EIF4A1: variants seen among roughly 807,000 people sequenced by gnomAD.
EIF4A1 encodes the protein eukaryotic translation initiation factor 4A1, also known as eukaryotic initiation factor 4A-I.
In EIF4A1, 11 loss-of-function variants were observed where a neutral mutation model predicts 53.5. The ratio of observed to expected loss-of-function variants is 0.21; its 90% confidence interval spans 0.13 to 0.34. The LOEUF is 0.34. EIF4A1 is among the 10% of genes least tolerant of loss of function. The pLI is 1.00. For synonymous variants in EIF4A1, 237 were observed against 186.7 expected (o/e 1.27, Z -2.20); for missense variants, 213 against 530.8 (o/e 0.40, Z 5.88).
rs897225390 is a variant in EIF4A1, at chr17:7,575,419, A to G, written c.345+161A>G. ...GTTAATTAAAAGCTATTTCTTACCC[A>G]AACGTAACCATTGCTTCCTCCACCC... On this transcript the variant is annotated intron_variant, in intron 4 of 10. Coordinates refer to ENST00000293831, the MANE Select transcript of EIF4A1 (RefSeq NM_001416.4). The G allele has an allele frequency of 6.5e-6, 7 of 1,081,832 alleles. No homozygotes were observed. The East Asian group carries it at 1.8e-4, about 28-fold the overall frequency. 67.0% of individuals were successfully genotyped at this position (1,081,832 alleles called of 1,614,324 possible).
chr17:7,574,861 A>G (rs781593875), intron 3 of EIF4A1, 183 bp downstream of exon 3: 14 of 1,157,970 alleles, frequency 1.2e-5, no homozygotes, highest in Non-Finnish European at 1.7e-5. Flanking sequence ...TCCTTTAAAG[A>G]GGTGGTATTG....
intron 5 of EIF4A1, 151 bp from the exon 6 acceptor site, chr17:7,576,905 C>T (rs2071409423): frequency 7.5e-7 from 1 of 1,335,072 alleles, no homozygotes; most frequent in Non-Finnish European, 1.1e-6. Context: ...TGTTGTCTGC[C>T]TGGCGGGAAG....
rs776011412 is a variant in EIF4A1 at position 7,578,345 on chromosome 17, C to A, written c.1080C>A (p.Ile360=). 1.2e-6 allele frequency: 2 copies of A among 1,612,258 alleles called. No homozygotes were observed. Among genetic ancestry groups the A allele is most frequent in the Middle Eastern group, 1.7e-4 (1 of 6,056 alleles). ...PTNRENYIHR[I]GRGGRFGRKG... ...CATCCCCTTCCTTGTTTTCCAGAATCGGTCGAGGTGGACGGTTTGGCCGTA... is the reference window on the plus strand; with the variant it reads ...CATCCCCTTCCTTGTTTTCCAGAATAGGTCGAGGTGGACGGTTTGGCCGTA... Residue 360 remains isoleucine, a synonymous_variant, in exon 11 of 11, where the codon ATC becomes ATA. Transcript: ENST00000293831.
chr17:7,577,177 C>T lies in EIF4A1; in HGVS notation c.624+12C>T, dbSNP rs539986945. 6.3e-7 allele frequency: 1 copy of T among 1,588,624 alleles called. No individual in the cohort carries two copies. Among genetic ancestry groups the T allele is most frequent in the East Asian group, 2.2e-5 (1 of 44,780 alleles). On this transcript the variant is annotated intron_variant, in intron 6 of 10. Transcript: ENST00000293831. The surrounding 1 kb of genome is among the most constrained non-coding windows in gnomAD (Gnocchi z 4.7). ...ACAGCAACACCCAGGTGAGGGCAGT[C>T]TTGCTTGAATAGCTAATGATTCTTG...
Position 7,577,022 on chromosome 17 carries a change from T to C in EIF4A1, c.515-34T>C, listed in dbSNP as rs950159666. 6 of 1,610,270 alleles carry C rather than the reference T, an allele frequency of 3.7e-6. No homozygotes were observed. In the South Asian group the frequency reaches 6.6e-5, roughly 18 times the overall value. On this transcript the variant is annotated intron_variant, in intron 5 of 10. Transcript: ENST00000293831. The surrounding 1 kb of genome is among the most constrained non-coding windows in gnomAD (Gnocchi z 4.7). ...TATCTCTCCCACATTTCCCTAATCATATGCTATATATTGGCTTTTTTTTTC... is the reference window on the plus strand; with the variant it reads ...TATCTCTCCCACATTTCCCTAATCACATGCTATATATTGGCTTTTTTTTTC...
chr17:7,574,159 A>G (rs4968214), intron 1 of EIF4A1, 101 bp from the exon 2 acceptor site: 937,132 of 1,374,964 alleles, frequency 0.68, 324,658 homozygotes, highest in South Asian at 0.79. Flanking sequence ...GGGACAGCAG[A>G]TTGATGGCAT....
At chr17:7,576,797 C>G (rs761415581) in intron 5 of EIF4A1, 105 bp downstream of exon 5, 2 of 1,541,442 alleles carry the variant, frequency 1.3e-6, no homozygotes, top group South Asian at 1.2e-5. Context: ...TGGTTTCTCT[C>G]TGGGGGAAGA....
At chr17:7,574,135 T>G in intron 1 of EIF4A1, 125 bp from the exon 2 acceptor site, 1 of 1,071,036 alleles carries the variant, frequency 9.3e-7, no homozygotes, top group Non-Finnish European at 1.4e-6. Flanking sequence ...TGGGAGCTGG[T>G]GGGAGTTGGA....
rs1009530327 is a variant in EIF4A1, at chr17:7,573,001, G to A, written c.23+137G>A. On this transcript the variant is annotated intron_variant, in intron 1 of 10. Coordinates refer to ENST00000293831, the MANE Select transcript of EIF4A1 (RefSeq NM_001416.4). ...GGTGGGGGGAGGGTCCGACTTGGAG[G>A]GGCGAGGGGGAAGACCCACGGCCGA... 3.3e-6 allele frequency: 5 copies of A among 1,511,088 alleles called. No homozygotes were observed. In the African/African-American group the frequency reaches 5.5e-5, roughly 17 times the overall value. 93.6% of individuals were successfully genotyped at this position (1,511,088 alleles called of 1,614,324 possible).
chr17:7,575,683 C>A (rs535168118), intron 4 of EIF4A1: 27 of 310,820 alleles, frequency 8.7e-5, no homozygotes, highest in South Asian at 7.6e-4. Context: ...TGCTGCAACA[C>A]TGATGTCAGA....
rs1198075597 is a variant in EIF4A1 at position 7,577,832 on chromosome 17, A to C, written c.912A>C (p.Gly304=). 1 of 1,614,166 alleles carries C rather than the reference A, an allele frequency of 6.2e-7. No homozygotes were observed. The highest frequency in any genetic ancestry group is 1.1e-5 in the South Asian group (1 of 91,082). The change falls in exon 9 of 11, where the codon GGA becomes GGC. Residue 304 remains glycine, a synonymous_variant. Coordinates refer to ENST00000293831, the MANE Select transcript of EIF4A1 (RefSeq NM_001416.4). This position sits in a 1 kb window ranked among gnomAD's most constrained non-coding sequence, Gnocchi z 4.7. ...ARDFTVSAMH[G]DMDQKERDVI... Reference sequence around the variant, plus strand: ...ATATTTGTTTTCTCTTCCAGCATGGAGATATGGACCAAAAGGAACGAGACG... The same window carrying C: ...ATATTTGTTTTCTCTTCCAGCATGGCGATATGGACCAAAAGGAACGAGACG...
chr17:7,576,466 A>G, intron 4 of EIF4A1, 58 bp from the exon 5 acceptor site: 1 of 1,483,300 alleles, frequency 6.7e-7, no homozygotes, highest in Admixed American at 2.6e-5. Flanking sequence ...AAAACATTTA[A>G]GAATGGTGCC....
At chr17:7,572,903 T>C in intron 1 of EIF4A1, 39 bp downstream of exon 1, 1 of 1,614,106 alleles carries the variant, frequency 6.2e-7, no homozygotes, top group Non-Finnish European at 8.5e-7. Flanking sequence ...GCTGCTTATT[T>C]TGCCGCCCCC....
intron 1 of EIF4A1, chr17:7,573,909 T>G: frequency 4.2e-6 from 1 of 239,392 alleles, no homozygotes. Flanking sequence ...GGTGCTGCGG[T>G]GGGAGGTGCA....
intron 5 of EIF4A1, 135 bp downstream of exon 5, chr17:7,576,827 C>T (rs1440118227): frequency 6.8e-7 from 1 of 1,480,028 alleles, no homozygotes; most frequent in Non-Finnish European, 9.3e-7. Context: ...TGATGGAGCC[C>T]ATGCGTGTCA....
At position 7,577,493 on chromosome 17, in the gene EIF4A1, G is replaced by C; in HGVS notation, c.768+6G>C. Reference sequence around the variant, plus strand: ...ACATCAACGTGGAACGAGAGGTGGGGCCCAGTGCAGGAGGCGGGCCTGGTA... The same window carrying C: ...ACATCAACGTGGAACGAGAGGTGGGCCCCAGTGCAGGAGGCGGGCCTGGTA... On this transcript the variant is annotated splice_donor_region_variant and intron_variant, in intron 7 of 10. Transcript: ENST00000293831. The surrounding 1 kb of genome is among the most constrained non-coding windows in gnomAD (Gnocchi z 4.7). 6.2e-7 allele frequency: 1 copy of C among 1,614,026 alleles called. No individual in the cohort carries two copies. Among genetic ancestry groups the C allele is most frequent in the Non-Finnish European group, 8.5e-7 (1 of 1,179,974 alleles).
rs1443214215 is a variant in EIF4A1 at position 7,578,747 on chromosome 17, C to T, written c.*261C>T. 2 of 279,636 alleles carry T rather than the reference C, an allele frequency of 7.2e-6. No homozygotes were observed. The highest frequency in any genetic ancestry group is 2.2e-5 in the African/African-American group (1 of 44,954). The allele number at this position is 279,636 out of a possible 1,614,324, so 17.3% of individuals were successfully genotyped here. A position where few individuals can be genotyped will look rare whatever the true frequency, so the allele number is the denominator to read the frequency against. ...ATCCATTTCCCTAACCTAGTAACCT[C>T]CAGATCCCAGAGGCTCTCCTCACCT... On this transcript the variant is annotated 3_prime_UTR_variant, in exon 11 of 11. Coordinates refer to ENST00000293831, the MANE Select transcript of EIF4A1 (RefSeq NM_001416.4).
rs759641276 is a variant in EIF4A1 at position 7,577,307 on chromosome 17, G to A, written c.625-37G>A. ...AGGGAAGGGAGCAGGCCTCAGGAAGGAACCAGCACTCTAAGACTGGCCTTT... is the reference window on the plus strand; with the variant it reads ...AGGGAAGGGAGCAGGCCTCAGGAAGAAACCAGCACTCTAAGACTGGCCTTT... On this transcript the variant is annotated intron_variant, in intron 6 of 10. Coordinates refer to ENST00000293831, the MANE Select transcript of EIF4A1 (RefSeq NM_001416.4). This position sits in a 1 kb window ranked among gnomAD's most constrained non-coding sequence, Gnocchi z 4.7. 2 of 1,611,236 alleles carry A rather than the reference G, an allele frequency of 1.2e-6. No individual in the cohort carries two copies. Among genetic ancestry groups the A allele is most frequent in the Non-Finnish European group, 1.7e-6 (2 of 1,178,262 alleles).
In EIF4A1 at chr17:7,578,167, C is replaced by G; in HGVS notation, c.999C>G (p.Ala333=). The G allele has an allele frequency of 1.2e-6, 2 of 1,614,168 alleles. No homozygotes were observed. The highest frequency in any genetic ancestry group is 1.7e-6 in the Non-Finnish European group (2 of 1,180,026). ...AAGAGTTGTCTTTCTTGACGTAGGC[C>G]AGAGGCATTGATGTGCAGCAGGTTT... The part of the protein sequence containing the change: ...SRVLITTDLL[A]RGIDVQQVSL... The change falls in exon 10 of 11, where the codon GCC becomes GCG. Residue 333 remains alanine (A), a splice_region_variant and synonymous_variant. Coordinates refer to ENST00000293831, the MANE Select transcript of EIF4A1 (RefSeq NM_001416.4).
Sources: allele counts gnomAD v4.1 joint callset, GRCh38; gene constraint gnomAD v4.1.1; non-coding constraint Gnocchi (gnomAD v3.1); transcripts MANE v1.5; gene names NCBI Gene and HGNC (gene_info 2026-07-23, HGNC 2026-07-21).